The following ANKRD6 variants were observed in gnomAD, a reference collection of about 807,000 sequenced individuals.
The protein encoded by ANKRD6 is ankyrin repeat domain-containing protein 6.
In ANKRD6, 56 loss-of-function variants were observed where a neutral mutation model predicts 82.3. The observed-to-expected ratio is 0.68, with a 90% confidence interval of 0.55 to 0.85. ANKRD6 has a LOEUF of 0.85. Ranked by LOEUF, ANKRD6 falls within the 40% of genes least tolerant of loss-of-function variation. The pLI, the probability that ANKRD6 is intolerant of heterozygous loss-of-function variation, is 0.00. For missense variants in ANKRD6, 852 were observed against 907.6 expected (o/e 0.94, Z 0.79); for synonymous variants, 347 against 352.1 (o/e 0.99, Z 0.16).
intron 1 of ANKRD6, among the ~76,000 whole-genome samples, chr6:89,481,066 G>A (rs1452837859): frequency 6.6e-6 from 1 of 151,852 alleles, no homozygotes; most frequent in Non-Finnish European, 1.5e-5. Context: ...ACCCACCATG[G>A]TCTGCAGTTT....
chr6:89,607,329 GT>G, intron 5 of ANKRD6, among the ~76,000 whole-genome samples: 1 of 3,020 alleles, frequency 3.3e-4, no homozygotes. Context: ...GACAGCAGTA[GT>G]TATATTTTTT....
intron 1 of ANKRD6, among the ~76,000 whole-genome samples, chr6:89,454,677 C>T (rs1357600485): frequency 6.6e-6 from 1 of 152,210 alleles, no homozygotes; most frequent in African/African-American, 2.4e-5. Context: ...TTTAACTAAA[C>T]TGGAATTGAA....
intron 1 of ANKRD6, among the ~76,000 whole-genome samples, chr6:89,440,659 A>T (rs1451712767): frequency 2.6e-5 from 4 of 152,120 alleles, no homozygotes; most frequent in African/African-American, 9.7e-5. Context: ...TGTGGCAGTG[A>T]GCACCTGTAG....
At chr6:89,494,586 A>G (rs1234307128) in intron 1 of ANKRD6, among the ~76,000 whole-genome samples, 1 of 152,212 alleles carries the variant, frequency 6.6e-6, no homozygotes, top group East Asian at 1.9e-4. Flanking sequence ...GTTATCAGCA[A>G]TCAAGCTTGT....
chr6:89,499,661 T>C (rs1005248837), intron 1 of ANKRD6, among the ~76,000 whole-genome samples: 1 of 152,122 alleles, frequency 6.6e-6, no homozygotes, highest in African/African-American at 2.4e-5. Flanking sequence ...CTGTTCACAA[T>C]ACCAGTTCAT....
At chr6:89,509,820 A>G (rs1780319959) in intron 1 of ANKRD6, among the ~76,000 whole-genome samples, 1 of 152,198 alleles carries the variant, frequency 6.6e-6, no homozygotes, top group South Asian at 2.1e-4. Flanking sequence ...CTCCCAAGTA[A>G]TGTGGTGATG....
Position 89,623,472 on chromosome 6 carries a change from C to T in ANKRD6, c.960C>T (p.Ala320=), listed in dbSNP as rs967829635. The part of the protein sequence containing the change: ...SEQAVARKEE[A]REEFLSASPE... ...AGGCTGTGGCCAGAAAAGAAGAAGC[C>T]AGAGAAGAGTTCCTGTCAGCCTCCC... The change falls in exon 11 of 16, where the codon GCC becomes GCT. Residue 320 remains alanine, a synonymous_variant. Coordinates refer to ENST00000339746, the MANE Select transcript of ANKRD6 (RefSeq NM_001242809.2). 3.1e-6 allele frequency: 5 copies of T among 1,606,894 alleles called. No individual in the cohort carries two copies. In the African/African-American group the frequency reaches 6.7e-5, roughly 22 times the overall value.
chr6:89,553,718 G>A (rs894744592), intron 1 of ANKRD6, among the ~76,000 whole-genome samples: 2 of 152,080 alleles, frequency 1.3e-5, no homozygotes, highest in Non-Finnish European at 1.5e-5. Context: ...CCCAGCCAGC[G>A]TGCCTCTCGT....
intron 2 of ANKRD6, among the ~76,000 whole-genome samples, chr6:89,575,903 A>G (rs1414358255): frequency 3.9e-5 from 6 of 152,166 alleles, no homozygotes; most frequent in Admixed American, 3.3e-4. Context: ...TCCACTAAGT[A>G]AGGATGGGGT....
At chr6:89,598,891 A>G (rs994753118) in intron 3 of ANKRD6, among the ~76,000 whole-genome samples, 4 of 152,184 alleles carry the variant, frequency 2.6e-5, no homozygotes, top group African/African-American at 7.2e-5. Flanking sequence ...CCACAGATGC[A>G]TCTGACCTTT....
intron 13 of ANKRD6, among the ~76,000 whole-genome samples, chr6:89,626,418 A>C (rs895282601): frequency 2.0e-4 from 30 of 152,156 alleles, no homozygotes; most frequent in African/African-American, 7.2e-4. Flanking sequence ...CCTGTGAACA[A>C]AGCAATGTAT....
chr6:89,606,037 TG>T lies in ANKRD6; in HGVS notation c.351del (p.Trp117CysfsTer101). ...GAATACAGCCTTGCATGAAGCATCC[TG>T]GCATGGTTTCAGCCAGTCAGCCAAG... The part of the protein sequence containing the change: ...DGNTALHEAS[W>X]HGFSQSAKLL... On this transcript the variant is annotated frameshift_variant, in exon 5 of 16. Transcript: ENST00000339746. LOFTEE classifies it high-confidence loss of function. 6.3e-7 allele frequency: 1 copy of T among 1,597,420 alleles called. No homozygotes were observed. The highest frequency in any genetic ancestry group is 1.7e-5 in the Admixed American group (1 of 58,164).
intron 1 of ANKRD6, among the ~76,000 whole-genome samples, chr6:89,541,111 T>C (rs1330440407): frequency 6.6e-6 from 1 of 152,130 alleles, no homozygotes. Flanking sequence ...CTACTCTGGG[T>C]CTTTTGTGGT....
At position 89,621,889 on chromosome 6, in the gene ANKRD6, A is replaced by G. The variant is rs1431145605; in HGVS notation, c.793-33A>G. 2.5e-6 allele frequency: 4 copies of G among 1,593,636 alleles called. No homozygotes were observed. The African/African-American group carries it at 5.4e-5, about 21-fold the overall frequency. On this transcript the variant is annotated intron_variant, in intron 9 of 15. Transcript: ENST00000339746. ...CTCTCACACAGATGCTGCGCACACC[A>G]GTGGTTGTAACAATGCCGTTTGCCT...
chr6:89,531,477 T>C (rs78480994), intron 1 of ANKRD6, among the ~76,000 whole-genome samples: 3,090 of 152,384 alleles, frequency 0.02, 113 homozygotes, highest in African/African-American at 0.068. Flanking sequence ...TCTGCTTCTC[T>C]GCATTCTCCC....
At chr6:89,578,974 T>G (rs544749656) in intron 2 of ANKRD6, among the ~76,000 whole-genome samples, 1 of 152,314 alleles carries the variant, frequency 6.6e-6, no homozygotes, top group East Asian at 1.9e-4. Flanking sequence ...CACCCCTCAG[T>G]GCAGACAGAG....
chr6:89,623,558 G>A lies in ANKRD6; in HGVS notation c.1032+14G>A. The A allele has an allele frequency of 6.4e-7, 1 of 1,574,438 alleles. No individual in the cohort carries two copies. On this transcript the variant is annotated intron_variant, in intron 11 of 15. Coordinates refer to ENST00000339746, the MANE Select transcript of ANKRD6 (RefSeq NM_001242809.2). Reference sequence around the variant, plus strand: ...TCAAGGCCCAAGGTCAGGAGACACAGAAAGCAGCCCAGAGGGGTGGCTGGG... The same window carrying A: ...TCAAGGCCCAAGGTCAGGAGACACAAAAAGCAGCCCAGAGGGGTGGCTGGG...
intron 1 of ANKRD6, among the ~76,000 whole-genome samples, chr6:89,547,244 TA>T (rs1172808646): frequency 2.0e-5 from 3 of 151,748 alleles, no homozygotes; most frequent in Non-Finnish European, 4.4e-5. Flanking sequence ...GAGGCAGATG[TA>T]GGGGGCAGTG....
intron 1 of ANKRD6, among the ~76,000 whole-genome samples, chr6:89,519,248 A>G (rs1474786519): frequency 6.6e-6 from 1 of 152,234 alleles, no homozygotes; most frequent in Non-Finnish European, 1.5e-5. Context: ...TGAGAATATC[A>G]TCCTGGTCAT....
Sources: allele counts gnomAD v4.1 joint callset (sites outside exome capture counted in the v4.1 genomes callset), GRCh38; gene constraint gnomAD v4.1.1; transcripts MANE v1.5; gene names NCBI Gene and HGNC (gene_info 2026-07-23, HGNC 2026-07-21).